Variants in PCDH9 observed in about 807,000 individuals in gnomAD.
PCDH9 encodes protocadherin-9.
A neutral mutation model predicts 70.6 loss-of-function variants in PCDH9; 24 were observed. The observed-to-expected ratio is 0.34, with a 90% CI of 0.25 to 0.48. PCDH9 has a LOEUF of 0.48. Among genes scored for constraint, PCDH9 ranks in the 20% least tolerant of loss-of-function variants. PCDH9 has a pLI of 0.99. For missense variants in PCDH9, 1,281 were observed against 1,503.6 expected (o/e 0.85, Z 2.45); for synonymous variants, 562 against 558.5 (o/e 1.01, Z -0.09).
intron 3 of PCDH9, among the ~76,000 whole-genome samples, chr13:66,635,532 G>T (rs1396023203): frequency 6.6e-6 from 1 of 152,016 alleles, no homozygotes; most frequent in Non-Finnish European, 1.5e-5. Flanking sequence ...CACACTGGTT[G>T]GGTTTGAGAA....
At chr13:66,557,429 A>G (rs968229190) in intron 4 of PCDH9, among the ~76,000 whole-genome samples, 1 of 152,196 alleles carries the variant, frequency 6.6e-6, no homozygotes. Flanking sequence ...TTACAAATTC[A>G]TATTTTGGAA....
Position 66,825,497 on chromosome 13 carries a change from C to T in PCDH9, c.3138+78007G>A, listed in dbSNP as rs868356265. Among the ~76,000 whole-genome samples the T allele has an allele frequency of 1.8e-3, 268 of 150,542 alleles. 3 individuals are homozygous for T. The highest frequency in any genetic ancestry group is 6.1e-3 in the African/African-American group (249 of 40,992). On this transcript the variant is annotated intron_variant, in intron 3 of 4. Coordinates refer to ENST00000377865, the MANE Select transcript of PCDH9 (RefSeq NM_203487.3). ...GACTACAGGCGCGCGCCACCATGCC[C>T]GGCTAATTTTTGTATTTTTAGTAGA...
At chr13:66,838,373 TA>T (rs1358450019) in intron 3 of PCDH9, among the ~76,000 whole-genome samples, 126 of 150,200 alleles carry the variant, frequency 8.4e-4, no homozygotes, top group South Asian at 2.3e-3. Context: ...ATTCTTTTTT[TA>T]AAAAAAAAAT....
At chr13:66,568,525 A>AAC (rs2076685169) in intron 4 of PCDH9, among the ~76,000 whole-genome samples, 1 of 150,690 alleles carries the variant, frequency 6.6e-6, no homozygotes, top group South Asian at 2.1e-4. Flanking sequence ...AAAAAAAAAA[A>AAC]AGAAAGAAAG....
At position 66,567,832 on chromosome 13, in the gene PCDH9, GT is replaced by G. The variant is rs754752831; in HGVS notation, c.3340+63377del. Among the ~76,000 whole-genome samples, 12 of 152,168 alleles carry G rather than the reference GT, an allele frequency of 7.9e-5. 1 individual carries two copies. The highest frequency in any genetic ancestry group is 1.3e-4 in the Non-Finnish European group (9 of 68,036). On this transcript the variant is annotated intron_variant, in intron 4 of 4. Coordinates refer to ENST00000377865, the MANE Select transcript of PCDH9 (RefSeq NM_203487.3). Reference sequence around the variant, plus strand: ...TCTTCAGGAACACAGAAAACTTGTAGTGCTTATAAGGTTTCTGATGTACAAT... The same window carrying G: ...TCTTCAGGAACACAGAAAACTTGTAGGCTTATAAGGTTTCTGATGTACAAT...
intron 4 of PCDH9, among the ~76,000 whole-genome samples, chr13:66,402,729 C>T (rs897059000): frequency 6.6e-6 from 1 of 152,074 alleles, no homozygotes; most frequent in Non-Finnish European, 1.5e-5. Flanking sequence ...GAACTGAAAT[C>T]ATGTTGACTC....
intron 2 of PCDH9, among the ~76,000 whole-genome samples, chr13:66,935,244 C>T (rs1015167154): frequency 6.6e-6 from 1 of 151,778 alleles, no homozygotes; most frequent in Non-Finnish European, 1.5e-5. Context: ...TTTGTAGTGA[C>T]GAGATCCCAC....
chr13:66,665,109 CT>C (rs766181890), intron 3 of PCDH9, among the ~76,000 whole-genome samples: 64 of 29,118 alleles, frequency 2.2e-3, no homozygotes, highest in Middle Eastern at 0.024. Context: ...CTTTTCTCTC[CT>C]TTTTTTTTTT....
intron 4 of PCDH9, among the ~76,000 whole-genome samples, chr13:66,426,371 G>A (rs74093090): frequency 0.014 from 2,194 of 151,708 alleles, 59 homozygotes; most frequent in African/African-American, 0.051. Flanking sequence ...CACATCTAGA[G>A]AGGAAATCTT....
intron 4 of PCDH9, among the ~76,000 whole-genome samples, chr13:66,558,607 T>A (rs1961851978): frequency 3.3e-5 from 5 of 151,982 alleles, no homozygotes. Context: ...CCTTCCTCTC[T>A]GAAACTTTCA....
chr13:67,157,200 C>G (rs936166598), intron 2 of PCDH9, among the ~76,000 whole-genome samples: 9 of 152,132 alleles, frequency 5.9e-5, no homozygotes, highest in African/African-American at 2.2e-4. Flanking sequence ...TATATCTTAA[C>G]TGTATCACAT....
intron 3 of PCDH9, among the ~76,000 whole-genome samples, chr13:66,744,879 C>G (rs2079334490): frequency 6.6e-6 from 1 of 152,050 alleles, no homozygotes; most frequent in Non-Finnish European, 1.5e-5. Flanking sequence ...AGGAATAAAA[C>G]AAGATTACTT....
chr13:66,942,375 C>A (rs370882203), intron 2 of PCDH9, among the ~76,000 whole-genome samples: 9 of 151,726 alleles, frequency 5.9e-5, no homozygotes, highest in African/African-American at 2.2e-4. Flanking sequence ...ATATTTGGTT[C>A]TTTGATGAAT....
At chr13:66,848,704 G>A (rs1273408041) in intron 3 of PCDH9, among the ~76,000 whole-genome samples, 4 of 151,984 alleles carry the variant, frequency 2.6e-5, no homozygotes, top group East Asian at 3.9e-4. Context: ...TGAGGCGGGC[G>A]GATCACGAGG....
chr13:66,886,964 T>C lies in PCDH9; in HGVS notation c.3138+16540A>G, dbSNP rs1341775596. On this transcript the variant is annotated intron_variant, in intron 3 of 4. Coordinates refer to ENST00000377865, the MANE Select transcript of PCDH9 (RefSeq NM_203487.3). ...GTAACTGAATACTCCCCGATCTCAT[T>C]ATTTCTTTTAACCTTTCTCTATTCT... 2.6e-5 allele frequency among the ~76,000 whole-genome samples: 4 copies of C among 151,734 alleles called. No individual in the cohort carries two copies. In the South Asian group the frequency reaches 8.3e-4, roughly 32 times the overall value.
intron 2 of PCDH9, among the ~76,000 whole-genome samples, chr13:67,074,001 T>C (rs1024642010): frequency 6.6e-6 from 1 of 152,264 alleles, no homozygotes; most frequent in South Asian, 2.1e-4. Flanking sequence ...ACTAGGTCCA[T>C]ATCCTTTTTG....
At chr13:67,136,922 T>C (rs1288865634) in intron 2 of PCDH9, among the ~76,000 whole-genome samples, 1 of 152,080 alleles carries the variant, frequency 6.6e-6, no homozygotes, top group African/African-American at 2.4e-5. Flanking sequence ...GTCTGCATTT[T>C]ACACAACGTG....
chr13:66,578,876 C>T (rs2076851710), intron 4 of PCDH9, among the ~76,000 whole-genome samples: 1 of 152,080 alleles, frequency 6.6e-6, no homozygotes, highest in Admixed American at 6.6e-5. Context: ...TTTCCTCTTC[C>T]TGTGAATTTC....
intron 3 of PCDH9, among the ~76,000 whole-genome samples, chr13:66,755,652 A>G (rs9540900): frequency 0.08 from 12,160 of 152,080 alleles, 498 homozygotes; most frequent in East Asian, 0.13. Context: ...CATTTTTAAA[A>G]AGTGCACAAC....
Sources: allele counts gnomAD v4.1 joint callset (sites outside exome capture counted in the v4.1 genomes callset), GRCh38; gene constraint gnomAD v4.1.1; transcripts MANE v1.5; gene names NCBI Gene and HGNC (gene_info 2026-07-23, HGNC 2026-07-21).